Variants in PCBP4 observed in about 807,000 individuals in gnomAD.
PCBP4 encodes the protein poly(rC)-binding protein 4.
PCBP4 carries 24 observed loss-of-function variants against 46.2 expected under a neutral mutation model. The observed-to-expected ratio is 0.52, with a 90% CI of 0.38 to 0.73. The LOEUF (loss-of-function observed/expected upper bound fraction) is 0.73, where lower values mean the gene tolerates loss of function less well. Ranked by LOEUF, PCBP4 falls within the 30% of genes least tolerant of loss-of-function variation. PCBP4 has a pLI of 0.00. For missense variants in PCBP4, 407 were observed against 537.0 expected (o/e 0.76, Z 2.39); for synonymous variants, 203 against 224.4 (o/e 0.90, Z 0.85).
Position 51,958,429 on chromosome 3 carries a change from G to T in PCBP4, c.924-80C>A. 1 of 989,480 alleles carries T rather than the reference G, an allele frequency of 1.0e-6. No homozygotes were observed. Among genetic ancestry groups the T allele is most frequent in the South Asian group, 1.9e-5 (1 of 53,288 alleles). The allele number at this position is 989,480 out of a possible 1,614,324, so 61.3% of individuals were successfully genotyped here. ...GCAATGAGGGCAGAGATGGGCATGA[G>T]ATTAGATGAAAGGCAAGAGAGAGGT... On this transcript the variant is annotated intron_variant, in intron 13 of 13. Transcript: ENST00000461554. This position sits in a 1 kb window ranked among gnomAD's most constrained non-coding sequence, Gnocchi z 5.4.
chr3:51,966,457 C>G (rs1296452840), intron 1 of PCBP4, among the ~76,000 whole-genome samples: 4 of 152,080 alleles, frequency 2.6e-5, no homozygotes, highest in African/African-American at 9.7e-5. Flanking sequence ...GGTCCTGAGG[C>G]AATGAGGGTG....
rs1308473236 is a variant in PCBP4 at position 51,958,365 on chromosome 3, T to C, written c.924-16A>G. The C allele has an allele frequency of 2.1e-6, 3 of 1,454,630 alleles. No individual in the cohort carries two copies. The highest frequency in any genetic ancestry group is 2.9e-5 in the Admixed American group (1 of 34,086). 90.1% of individuals were successfully genotyped at this position (1,454,630 alleles called of 1,614,324 possible). On this transcript the variant is annotated splice_polypyrimidine_tract_variant and intron_variant, in intron 13 of 13. Transcript: ENST00000461554. The surrounding 1 kb of genome is among the most constrained non-coding windows in gnomAD (Gnocchi z 5.4). ...CGTCTCTAGACTGGAGAGAGGGATA[T>C]AGAGGGGAGACAAAGGGGAAAGTGG...
intron 1 of PCBP4, among the ~76,000 whole-genome samples, chr3:51,965,587 C>T (rs1226361023): frequency 3.9e-5 from 6 of 152,222 alleles, no homozygotes; most frequent in Non-Finnish European, 7.3e-5. Context: ...AAATTTGAGA[C>T]AAGACCAGGG....
chr3:51,964,520 C>T (rs1700325249), intron 1 of PCBP4, among the ~76,000 whole-genome samples: 1 of 152,198 alleles, frequency 6.6e-6, no homozygotes, highest in South Asian at 2.1e-4. Flanking sequence ...CATCCCCCCA[C>T]ATCCTCTCAG....
At position 51,959,117 on chromosome 3, in the gene PCBP4, G is replaced by A; in HGVS notation, c.701-18C>T. 6.2e-7 allele frequency: 1 copy of A among 1,613,774 alleles called. No individual in the cohort carries two copies. The highest frequency in any genetic ancestry group is 8.5e-7 in the Non-Finnish European group (1 of 1,179,834). On this transcript the variant is annotated intron_variant, in intron 11 of 13. Transcript: ENST00000461554. The surrounding 1 kb of genome is among the most constrained non-coding windows in gnomAD (Gnocchi z 5.6). ...ATCCAGTCCTGAGGGGGAGAAGAGGGACTGAGTGTGGTTCTGGGCCTTTCC... is the reference window on the plus strand; with the variant it reads ...ATCCAGTCCTGAGGGGGAGAAGAGGAACTGAGTGTGGTTCTGGGCCTTTCC...
rs1700031890 is a variant in PCBP4 at position 51,959,472 on chromosome 3, C to T, written c.592-61G>A. ...TGACATTGCAGTTCAGCCAGAGTCA[C>T]TCCTTCCCCCGTCCCTGGACCTCCA... On this transcript the variant is annotated intron_variant, in intron 9 of 13. Transcript: ENST00000461554. This position sits in a 1 kb window ranked among gnomAD's most constrained non-coding sequence, Gnocchi z 5.6. 6.5e-7 allele frequency: 1 copy of T among 1,543,128 alleles called. No individual in the cohort carries two copies. Among genetic ancestry groups the T allele is most frequent in the Non-Finnish European group, 8.8e-7 (1 of 1,138,936 alleles).
rs267599886 is a variant in PCBP4, at chr3:51,958,246, G to A, written c.1027C>T (p.Pro343Ser). Residue 343 changes from proline (P) to serine (S), a missense_variant, in exon 14 of 14, where the codon CCT (proline) becomes TCT (serine). Pro to Ser is a moderately conservative substitution (Grantham distance 74, BLOSUM62 -1). Coordinates refer to ENST00000461554, the MANE Select transcript of PCBP4 (RefSeq NM_001174100.2). The surrounding 1 kb of genome is among the most constrained non-coding windows in gnomAD (Gnocchi z 5.4). ...PPLTALPTAP[P>S]GLLGTPYAIS... ...GCATAGGGTGTGCCCAGCAGGCCAG[G>A]GGGAGCTGTGGGCAGGGCCGTCAGG... 3.7e-6 allele frequency: 6 copies of A among 1,602,570 alleles called. No individual in the cohort carries two copies. Among genetic ancestry groups the A allele is most frequent in the Non-Finnish European group, 4.3e-6 (5 of 1,175,090 alleles).
At chr3:51,964,005 C>T (rs1204622104) in intron 1 of PCBP4, among the ~76,000 whole-genome samples, 9 of 152,216 alleles carry the variant, frequency 5.9e-5, no homozygotes, top group Non-Finnish European at 1.0e-4. Flanking sequence ...AGCCACACAA[C>T]ATGCCACAGT....
At position 51,961,179 on chromosome 3, in the gene PCBP4, C is replaced by G. The variant is rs1241345784; in HGVS notation, c.62G>C (p.Arg21Pro). 1 of 1,613,686 alleles carries G rather than the reference C, an allele frequency of 6.2e-7. No homozygotes were observed. The highest frequency in any genetic ancestry group is 8.5e-7 in the Non-Finnish European group (1 of 1,180,018). The change falls in exon 3 of 14, where the codon CGG (arginine) becomes CCG (proline). Residue 21 changes from arginine to proline, a missense_variant. Transcript: ENST00000461554. ...EPELSITLTL[R>P]MLMHGKEVGS... is the part of the protein sequence containing the mutation. ...GCTCACCTTCCCGTGCATCAGCATC[C>G]GCAGCGTGAGGGTGATGCTGAGCTC...
Position 51,960,484 on chromosome 3 carries a change from T to C in PCBP4, c.255+42A>G, listed in dbSNP as rs754254920. On this transcript the variant is annotated intron_variant, in intron 6 of 13. Transcript: ENST00000461554. This position sits in a 1 kb window ranked among gnomAD's most constrained non-coding sequence, Gnocchi z 5.0. ...TCTGGAGTCAGAGTTGGGTTCCTCC[T>C]GGGGAACCACTCTTGGCGTCCTGCC... The C allele has an allele frequency of 1.7e-5, 27 of 1,564,670 alleles. No homozygotes were observed. The highest frequency in any genetic ancestry group is 2.1e-5 in the Non-Finnish European group (24 of 1,135,314).
intron 1 of PCBP4, among the ~76,000 whole-genome samples, chr3:51,966,038 G>T (rs1027944592): frequency 6.6e-6 from 1 of 152,248 alleles, no homozygotes; most frequent in Non-Finnish European, 1.5e-5. Flanking sequence ...TGTTTGTAAG[G>T]CTACATGGGA....
rs1342097282 is a variant in PCBP4, at chr3:51,960,282, G to A, written c.294C>T (p.Ser98=). The A allele has an allele frequency of 6.2e-7, 1 of 1,614,072 alleles. No homozygotes were observed. The highest frequency in any genetic ancestry group is 2.2e-5 in the East Asian group (1 of 44,884). The change falls in exon 7 of 14, where the codon TCC becomes TCT. Residue 98 remains serine, a synonymous_variant. Coordinates refer to ENST00000461554, the MANE Select transcript of PCBP4 (RefSeq NM_001174100.2). This position sits in a 1 kb window ranked among gnomAD's most constrained non-coding sequence, Gnocchi z 5.0. ...CAAGGCGCAGGGTCACTGGAGGCCTGGAGACATTTCCACCATTTGCAGGAG... is the reference window on the plus strand; with the variant it reads ...CAAGGCGCAGGGTCACTGGAGGCCTAGAGACATTTCCACCATTTGCAGGAG... ...CAAPANGGNV[S]RPPVTLRLVI...
In PCBP4 at chr3:51,960,092, A is replaced by C. The variant is rs763047660; in HGVS notation, c.388-69T>G. ...CCAGAAAAGGGCTGCCCAGGCTCAGAGCTCTCTAGGTGGGGAGGACGCCAT... is the reference window on the plus strand; with the variant it reads ...CCAGAAAAGGGCTGCCCAGGCTCAGCGCTCTCTAGGTGGGGAGGACGCCAT... On this transcript the variant is annotated intron_variant, in intron 7 of 13. Transcript: ENST00000461554. The surrounding 1 kb of genome is among the most constrained non-coding windows in gnomAD (Gnocchi z 5.0). 1 of 1,614,104 alleles carries C rather than the reference A, an allele frequency of 6.2e-7. No individual in the cohort carries two copies. Among genetic ancestry groups the C allele is most frequent in the South Asian group, 1.1e-5 (1 of 91,084 alleles).
intron 2 of PCBP4, 173 bp downstream of exon 2, chr3:51,961,768 C>T (rs909799536): frequency 2.2e-5 from 22 of 988,230 alleles, no homozygotes; most frequent in Non-Finnish European, 2.5e-5. Context: ...GAGGCACTTT[C>T]GTCCAGCAGC....
chr3:51,960,645 G>A lies in PCBP4; in HGVS notation c.139-3C>T. On this transcript the variant is annotated splice_region_variant and splice_polypyrimidine_tract_variant and intron_variant, in intron 5 of 13. Transcript: ENST00000461554. The surrounding 1 kb of genome is among the most constrained non-coding windows in gnomAD (Gnocchi z 5.0). ...GAGATGGTGATCCGGGCACTGCTCT[G>A]CAGATATAGAATGAGCGCCGGGCAG... is the stretch of plus-strand genomic sequence containing the variant. The A allele has an allele frequency of 1.2e-6, 2 of 1,609,886 alleles. No homozygotes were observed. The highest frequency in any genetic ancestry group is 1.7e-6 in the Non-Finnish European group (2 of 1,176,080).
chr3:51,965,189 A>G (rs1306040020), intron 1 of PCBP4, among the ~76,000 whole-genome samples: 2 of 152,148 alleles, frequency 1.3e-5, no homozygotes, highest in Non-Finnish European at 2.9e-5. Flanking sequence ...CTGCTGCTCA[A>G]CAGCCACCCA....
chr3:51,966,872 A>C (rs1700457402), intron 1 of PCBP4, among the ~76,000 whole-genome samples: 1 of 151,420 alleles, frequency 6.6e-6, no homozygotes, highest in South Asian at 2.1e-4. Context: ...ATGGGGCAAG[A>C]GGGACCACTC....
Position 51,959,736 on chromosome 3 carries a change from A to G in PCBP4, c.517-85T>C. On this transcript the variant is annotated intron_variant, in intron 8 of 13. Transcript: ENST00000461554. This position sits in a 1 kb window ranked among gnomAD's most constrained non-coding sequence, Gnocchi z 5.6. ...TGCCCAGTGGCCTCAGGCCCCCACC[A>G]TGACCCCCAGGGAAATGCACATGAT... is the stretch of plus-strand genomic sequence containing the variant. 3 of 1,470,502 alleles carry G rather than the reference A, an allele frequency of 2.0e-6. No individual in the cohort carries two copies. The highest frequency in any genetic ancestry group is 2.8e-6 in the Non-Finnish European group (3 of 1,079,162). The allele number at this position is 1,470,502 out of a possible 1,614,324, so 91.1% of individuals were successfully genotyped here.
Position 51,959,497 on chromosome 3 carries a change from A to T in PCBP4, c.591+80T>A. 6.6e-7 allele frequency: 1 copy of T among 1,526,386 alleles called. No individual in the cohort carries two copies. Among genetic ancestry groups the T allele is most frequent in the African/African-American group, 1.4e-5 (1 of 72,776 alleles). The allele number at this position is 1,526,386 out of a possible 1,614,324, so 94.6% of individuals were successfully genotyped here. A position where few individuals can be genotyped will look rare whatever the true frequency, so the allele number is the denominator to read the frequency against. On this transcript the variant is annotated intron_variant, in intron 9 of 13. Coordinates refer to ENST00000461554, the MANE Select transcript of PCBP4 (RefSeq NM_001174100.2). The surrounding 1 kb of genome is among the most constrained non-coding windows in gnomAD (Gnocchi z 5.6). ...CTCCTTCCCCCGTCCCTGGACCTCC[A>T]ATTCCTTCTTCCATCCCCTCCTCTA...
Sources: allele counts gnomAD v4.1 joint callset (sites outside exome capture counted in the v4.1 genomes callset), GRCh38; gene constraint gnomAD v4.1.1; non-coding constraint Gnocchi (gnomAD v3.1); transcripts MANE v1.5; gene names NCBI Gene and HGNC (gene_info 2026-07-23, HGNC 2026-07-21).